Variants in PLEKHA6 observed in about 807,000 individuals in gnomAD.
The protein encoded by PLEKHA6 is pleckstrin homology domain-containing family A member 6.
PLEKHA6 carries 60 observed loss-of-function variants against 116.7 expected under a neutral mutation model. The ratio of observed to expected loss-of-function variants is 0.51; its 90% CI spans 0.42 to 0.64. The LOEUF is 0.64. PLEKHA6 is among the 30% of genes least tolerant of loss of function. The probability of loss-of-function intolerance (pLI) is 0.00; values close to 1 mark genes in which losing one functional copy is unlikely to be tolerated. For missense variants in PLEKHA6, 1,338 were observed against 1,422.7 expected, an observed-to-expected ratio of 0.94 and a Z score of 0.96; for synonymous variants, 489 against 556.1, an observed-to-expected ratio of 0.88 and a Z score of 1.70.
chr1:204,295,507 C>CA (rs1180850572), intron 1 of PLEKHA6, among the ~76,000 whole-genome samples: 14 of 146,978 alleles, frequency 9.5e-5, no homozygotes, highest in African/African-American at 2.7e-4. Context: ...AAAAAACAAA[C>CA]AACAAAAAAA....
Position 204,257,147 on chromosome 1 carries a change from G to T in PLEKHA6, c.1524+206C>A, listed in dbSNP as rs2102731475. Reference sequence around the variant, plus strand: ...TACAGAAAGCAATGTCCCCACTCAAGAGGCAAAGCCATCCCCAAGACAGCT... The same window carrying T: ...TACAGAAAGCAATGTCCCCACTCAATAGGCAAAGCCATCCCCAAGACAGCT... On this transcript the variant is annotated intron_variant, in intron 9 of 22. Coordinates refer to ENST00000272203, the MANE Select transcript of PLEKHA6 (RefSeq NM_014935.5). The surrounding 1 kb of genome is among the most constrained non-coding windows in gnomAD (Gnocchi z 6.5). 6.6e-6 allele frequency among the ~76,000 whole-genome samples: 1 copy of T among 152,342 alleles called. No homozygotes were observed. The highest frequency in any genetic ancestry group is 2.1e-4 in the South Asian group (1 of 4,822).
chr1:204,341,898 C>A (rs887633589), intron 1 of PLEKHA6, among the ~76,000 whole-genome samples: 11 of 152,132 alleles, frequency 7.2e-5, no homozygotes, highest in Non-Finnish European at 1.5e-4. Context: ...TTTTTAAATG[C>A]ATGAGTGGCC....
chr1:204,346,870 C>A (rs1174811959), intron 1 of PLEKHA6: 11 of 1,344,634 alleles, frequency 8.2e-6, no homozygotes, highest in African/African-American at 1.4e-5. Flanking sequence ...AGCAGGCTGG[C>A]GCTTTAGTTG....
At chr1:204,274,892 T>C (rs1667846072) in intron 1 of PLEKHA6, 83 bp from the exon 2 acceptor site, 2 of 979,964 alleles carry the variant, frequency 2.0e-6, no homozygotes, top group East Asian at 2.3e-4. Flanking sequence ...CCCTGGGTGG[T>C]GACAGGGACA....
chr1:204,377,168 C>G (rs2103426037), intron 1 of PLEKHA6, among the ~76,000 whole-genome samples: 1 of 152,106 alleles, frequency 6.6e-6, no homozygotes, highest in East Asian at 1.9e-4. Flanking sequence ...GCAGGATCTC[C>G]TGGTATGTTG....
In PLEKHA6 at chr1:204,241,759, T is replaced by G. The variant is rs771788451; in HGVS notation, c.2228A>C (p.Asp743Ala). The G allele has an allele frequency of 6.2e-7, 1 of 1,614,028 alleles. No individual in the cohort carries two copies. Among genetic ancestry groups the G allele is most frequent in the Admixed American group, 1.7e-5 (1 of 60,008 alleles). ...CACAAGGCTGATGTCTCTGGGGGTG[T>G]CCAGGGGCAATGTCTGGTGGGGGTC... is the stretch of plus-strand genomic sequence containing the variant. ...KKDPHQTLPLDTPRDISLVPT... is the reference protein window; with the variant it reads ...KKDPHQTLPLATPRDISLVPT... The change falls in exon 16 of 23, where the codon GAC (aspartate) becomes GCC (alanine). Residue 743 changes from aspartate to alanine, a missense_variant. Physicochemically the swap from Asp to Ala is moderately radical, Grantham distance 126. Coordinates refer to ENST00000272203, the MANE Select transcript of PLEKHA6 (RefSeq NM_014935.5).
rs771389862 is a variant in PLEKHA6 at position 204,259,261 on chromosome 1, C to G, written c.1004G>C (p.Arg335Pro). The change falls in exon 8 of 23, where the codon CGG becomes CCG. Residue 335 changes from arginine to proline, a missense_variant. Transcript: ENST00000272203. The surrounding 1 kb of genome is among the most constrained non-coding windows in gnomAD (Gnocchi z 4.6). ...CCCAGCCGCCGGCATGCCTCACCTC[C>G]GAAGGTCTTCAGGCGGGGGTACCCC... ...RRGVPPPEDLRSPSRFYPVSR... is the reference protein window; with the variant it reads ...RRGVPPPEDLPSPSRFYPVSR... 1 of 1,613,286 alleles carries G rather than the reference C, an allele frequency of 6.2e-7. No individual in the cohort carries two copies. The highest frequency in any genetic ancestry group is 1.1e-5 in the South Asian group (1 of 91,050).
intron 1 of PLEKHA6, among the ~76,000 whole-genome samples, chr1:204,288,868 C>T (rs1304278343): frequency 2.0e-5 from 3 of 152,236 alleles, no homozygotes; most frequent in African/African-American, 7.2e-5. Context: ...TTCATATCTG[C>T]ATAAACTATG....
chr1:204,241,328 G>T, intron 17 of PLEKHA6, 47 bp downstream of exon 17: 1 of 1,209,230 alleles, frequency 8.3e-7, no homozygotes, highest in Non-Finnish European at 1.2e-6. Flanking sequence ...CAGGCCCCTG[G>T]GCTCGCAGCC....
chr1:204,228,297 C>T lies in PLEKHA6; in HGVS notation c.2886-69G>A, dbSNP rs577651510. ...GGTCCAAGTGGCTTGAGGGGGCCTG[C>T]GGACTGAGGTTGGCAGGGAGGGCCA... On this transcript the variant is annotated intron_variant, in intron 20 of 22. Coordinates refer to ENST00000272203, the MANE Select transcript of PLEKHA6 (RefSeq NM_014935.5). This position sits in a 1 kb window ranked among gnomAD's most constrained non-coding sequence, Gnocchi z 4.0. The T allele has an allele frequency of 3.5e-5, 52 of 1,473,880 alleles. No homozygotes were observed. The highest frequency in any genetic ancestry group is 1.3e-4 in the African/African-American group (9 of 71,220). 91.3% of individuals were successfully genotyped at this position (1,473,880 alleles called of 1,614,324 possible).
chr1:204,233,365 G>T (rs1292149082), intron 17 of PLEKHA6, among the ~76,000 whole-genome samples: 3 of 136,782 alleles, frequency 2.2e-5, no homozygotes, highest in African/African-American at 5.5e-5. Flanking sequence ...TTTTGAGATG[G>T]AGTCTCACTC....
upstream of PLEKHA6, among the ~76,000 whole-genome samples, chr1:204,363,684 G>A (rs1216901946): frequency 6.6e-6 from 1 of 152,158 alleles, no homozygotes; most frequent in Non-Finnish European, 1.5e-5. Flanking sequence ...AGATCTTTAA[G>A]CATCAGAAAG....
chr1:204,298,563 G>T (rs1370468113), intron 1 of PLEKHA6, among the ~76,000 whole-genome samples: 1 of 152,118 alleles, frequency 6.6e-6, no homozygotes, highest in Non-Finnish European at 1.5e-5. Flanking sequence ...GGCCTTGCCC[G>T]TCCTCATGCC....
intron 1 of PLEKHA6, among the ~76,000 whole-genome samples, chr1:204,349,861 T>C (rs1558196468): frequency 6.6e-6 from 1 of 152,228 alleles, no homozygotes; most frequent in Non-Finnish European, 1.5e-5. Flanking sequence ...GTGACTCATC[T>C]GTGAGTGCGA....
intron 1 of PLEKHA6, among the ~76,000 whole-genome samples, chr1:204,284,639 C>A (rs1382303574): frequency 6.6e-6 from 1 of 151,976 alleles, no homozygotes; most frequent in East Asian, 1.9e-4. Context: ...TCCCCTGACG[C>A]CCCCGAGAGG....
chr1:204,347,915 G>A (rs115760076), intron 1 of PLEKHA6, among the ~76,000 whole-genome samples: 318 of 152,178 alleles, frequency 2.1e-3, no homozygotes, highest in Non-Finnish European at 3.9e-3. Context: ...TTGAAGCACT[G>A]GGCATGCTCT....
intron 3 of PLEKHA6, among the ~76,000 whole-genome samples, chr1:204,272,123 C>T (rs1454434321): frequency 6.6e-6 from 1 of 152,124 alleles, no homozygotes; most frequent in African/African-American, 2.4e-5. Flanking sequence ...TGCTTCCCCG[C>T]CCACCCCATT....
chr1:204,355,234 C>G (rs1324141689), intron 1 of PLEKHA6, among the ~76,000 whole-genome samples: 1 of 152,226 alleles, frequency 6.6e-6, no homozygotes, highest in Non-Finnish European at 1.5e-5. Context: ...ACATTTATCA[C>G]TTATTCTGCT....
chr1:204,324,498 G>A (rs182271986), intron 1 of PLEKHA6, among the ~76,000 whole-genome samples: 7 of 152,254 alleles, frequency 4.6e-5, no homozygotes, highest in Admixed American at 2.0e-4. Flanking sequence ...AGCTCGTGAT[G>A]AGACAGAAAT....
Sources: allele counts gnomAD v4.1 joint callset (sites outside exome capture counted in the v4.1 genomes callset), GRCh38; gene constraint gnomAD v4.1.1; non-coding constraint Gnocchi (gnomAD v3.1); transcripts MANE v1.5; gene names NCBI Gene and HGNC (gene_info 2026-07-23, HGNC 2026-07-21).